DNAJB1: variants seen among roughly 807,000 people sequenced by gnomAD.
DNAJB1 encodes the protein dnaJ homolog subfamily B member 1.
DNAJB1 carries 14 observed loss-of-function variants against 24.0 expected under a neutral mutation model. The ratio of observed to expected loss-of-function variants is 0.58; its 90% CI spans 0.39 to 0.91. The LOEUF (loss-of-function observed/expected upper bound fraction) is 0.91. Ranked by LOEUF, DNAJB1 falls within the 40% of genes least tolerant of loss-of-function variation. The pLI, the probability that DNAJB1 is intolerant of heterozygous loss-of-function variation, is 0.00. For synonymous variants in DNAJB1, 262 were observed against 174.4 expected, an observed-to-expected ratio of 1.50 and a Z score of -3.96; for missense variants, 517 against 458.1, an observed-to-expected ratio of 1.13 and a Z score of -1.17.
At chr19:14,519,930 G>A (rs1396567334), upstream of DNAJB1, among the ~76,000 whole-genome samples, 1 of 152,166 alleles carries the variant, frequency 6.6e-6, no homozygotes, top group Non-Finnish European at 1.5e-5. Flanking sequence ...AAGGGCCCAG[G>A]GAAGTGGGGG....
At chr19:14,545,451 C>G (rs901576550) in intron 1 of DNAJB1, among the ~76,000 whole-genome samples, 3 of 139,090 alleles carry the variant, frequency 2.2e-5, no homozygotes, top group African/African-American at 7.4e-5. Flanking sequence ...ACATCGTGAC[C>G]CCGTATTATG....
chr19:14,557,990 C>T (rs1265556879), intron 1 of DNAJB1, among the ~76,000 whole-genome samples: 1 of 149,330 alleles, frequency 6.7e-6, no homozygotes, highest in African/African-American at 2.5e-5. Context: ...CTCCTGACCT[C>T]GTGATTCGCC....
At chr19:14,539,585 C>G (rs2073025826) in intron 1 of DNAJB1, among the ~76,000 whole-genome samples, 1 of 152,052 alleles carries the variant, frequency 6.6e-6, no homozygotes, top group African/African-American at 2.4e-5. Flanking sequence ...TCAGAACCTT[C>G]CCTCAGAGGC....
chr19:14,544,413 C>T (rs946152169), intron 1 of DNAJB1, among the ~76,000 whole-genome samples: 2 of 151,964 alleles, frequency 1.3e-5, no homozygotes, highest in Admixed American at 1.3e-4. Context: ...ACAGGCTCAG[C>T]CGTTCAGCCG....
rs760412625 is a variant in DNAJB1 at position 14,516,684 on chromosome 19, G to C, written c.574C>G (p.Pro192Ala). ...TCGTTTCGAATGCTCTTTCCGTCGG[G>C]GTTTAGCCGCTTGTGGGAGATTTTC... Reference protein sequence around the residue: ...KMKISHKRLNPDGKSIRNEDK... With the variant: ...KMKISHKRLNADGKSIRNEDK... The change falls in exon 2 of 3, where the codon CCC becomes GCC. Residue 192 changes from proline to alanine, a missense_variant. Physicochemically the swap from Pro to Ala is conservative, Grantham distance 27. Coordinates refer to ENST00000254322, the MANE Select transcript of DNAJB1 (RefSeq NM_006145.3). 6.2e-6 allele frequency: 10 copies of C among 1,614,184 alleles called. No individual in the cohort carries two copies. The South Asian group carries it at 9.9e-5, about 16-fold the overall frequency.
upstream of DNAJB1, among the ~76,000 whole-genome samples, chr19:14,551,981 T>C (rs1229548000): frequency 1.2e-4 from 16 of 132,248 alleles, no homozygotes; most frequent in African/African-American, 3.9e-4. Flanking sequence ...CTTTCTCTCT[T>C]TTTTTTTTTT....
intron 1 of DNAJB1, among the ~76,000 whole-genome samples, chr19:14,556,752 C>T (rs1195605137): frequency 6.6e-6 from 1 of 152,188 alleles, no homozygotes; most frequent in East Asian, 1.9e-4. Flanking sequence ...TCCCTGACAT[C>T]GGCTTTGGGA....
At chr19:14,544,468 C>T (rs748088277) in intron 1 of DNAJB1, among the ~76,000 whole-genome samples, 3 of 151,870 alleles carry the variant, frequency 2.0e-5, no homozygotes, top group Non-Finnish European at 4.4e-5. Context: ...CTGATCAGGA[C>T]GAGGATGCTT....
At chr19:14,517,958 G>A (rs2072303653) in intron 1 of DNAJB1, 181 bp downstream of exon 1, 2 of 570,622 alleles carry the variant, frequency 3.5e-6, no homozygotes, top group Non-Finnish European at 5.5e-6. Context: ...CTGGGCCAAG[G>A]CTCCTCCTCC....
At chr19:14,520,849 C>T (rs565950151), upstream of DNAJB1, among the ~76,000 whole-genome samples, 120 of 151,904 alleles carry the variant, frequency 7.9e-4, no homozygotes, top group African/African-American at 2.8e-3. Flanking sequence ...AAAAATTAGC[C>T]GGGTGCAATG....
chr19:14,538,822 C>T lies in DNAJB1; in HGVS notation c.-213-11012G>A, dbSNP rs545075048. ...CTGGGATTATAGGCATGAGCCACCA[C>T]GCCTGGCTGAGAAAAGCTTCAAAAC... On this transcript the variant is annotated intron_variant, in intron 1 of 3. Coordinates refer to the DNAJB1 transcript ENST00000676982. Among the ~76,000 whole-genome samples, 9 of 152,074 alleles carry T rather than the reference C, an allele frequency of 5.9e-5. No homozygotes were observed. The East Asian group carries it at 9.7e-4, about 16-fold the overall frequency.
chr19:14,555,205 G>A (rs2073676508), upstream of DNAJB1, among the ~76,000 whole-genome samples: 1 of 151,630 alleles, frequency 6.6e-6, no homozygotes. Flanking sequence ...CAGCCCCTGA[G>A]GAGTAGGTAG....
chr19:14,542,709 C>T (rs1008157483), intron 1 of DNAJB1, among the ~76,000 whole-genome samples: 30 of 152,090 alleles, frequency 2.0e-4, no homozygotes, highest in Non-Finnish European at 3.5e-4. Context: ...GTTCCTTATT[C>T]TGAGAAGTGT....
chr19:14,548,765 C>T (rs918400333), intron 1 of DNAJB1, among the ~76,000 whole-genome samples: 6 of 151,934 alleles, frequency 3.9e-5, no homozygotes, highest in African/African-American at 1.2e-4. Flanking sequence ...TTGGTAGAGA[C>T]GGGTTCACCA....
At chr19:14,552,941 G>C (rs4926128), upstream of DNAJB1, among the ~76,000 whole-genome samples, 150,930 of 152,054 alleles carry the variant, frequency 0.99, 74,908 homozygotes, top group Middle Eastern at 1. Context: ...TGAAACGGGC[G>C]AGATCAGCGT....
intron 1 of DNAJB1, among the ~76,000 whole-genome samples, chr19:14,538,621 C>T (rs998528089): frequency 2.6e-5 from 4 of 151,354 alleles, no homozygotes; most frequent in Non-Finnish European, 4.4e-5. Flanking sequence ...CAACCTCTGC[C>T]TCCTGGGTTC....
upstream of DNAJB1, chr19:14,529,624 G>A (rs374570462): frequency 1.1e-5 from 17 of 1,611,392 alleles, no homozygotes; most frequent in African/African-American, 1.5e-4. Flanking sequence ...TGCGAGCGCT[G>A]TAGGGAGCCT....
upstream of DNAJB1, chr19:14,529,660 A>G (rs758263727): frequency 3.7e-6 from 6 of 1,613,698 alleles, no homozygotes; most frequent in African/African-American, 8.0e-5. Flanking sequence ...GTTAGGCAGC[A>G]GCAGCCGCGG....
At chr19:14,520,725 C>CA (rs2072350293), upstream of DNAJB1, among the ~76,000 whole-genome samples, 1 of 152,168 alleles carries the variant, frequency 6.6e-6, no homozygotes, top group Non-Finnish European at 1.5e-5. Flanking sequence ...CACAGTGGCT[C>CA]ACGCCTGTCA....
Sources: allele counts gnomAD v4.1 joint callset (sites outside exome capture counted in the v4.1 genomes callset), GRCh38; gene constraint gnomAD v4.1.1; transcripts MANE v1.5; gene names NCBI Gene and HGNC (gene_info 2026-07-23, HGNC 2026-07-21).